NECAP2: variants seen among roughly 807,000 people sequenced by gnomAD.
NECAP2 encodes the protein NECAP endocytosis associated 2.
In NECAP2, 38 loss-of-function variants were observed where a neutral mutation model predicts 37.8. The observed-to-expected ratio is 1.01, with a 90% CI of 0.78 to 1.32. The LOEUF (loss-of-function observed/expected upper bound fraction) is 1.32. NECAP2 is among the 40% of genes most tolerant of loss of function. The probability of loss-of-function intolerance (pLI) is 0.00; values close to 1 mark genes in which losing one functional copy is unlikely to be tolerated. For missense variants in NECAP2, 316 were observed against 334.5 expected (o/e 0.94, Z 0.43); for synonymous variants, 121 against 127.7 (o/e 0.95, Z 0.35).
intron 4 of NECAP2, chr1:16,448,392 T>C (rs2086794118): frequency 1.8e-6 from 1 of 542,482 alleles, no homozygotes; most frequent in South Asian, 2.1e-5. Flanking sequence ...ACCAGTCCCC[T>C]GAGCAGCCAG....
At position 16,459,688 on chromosome 1, in the gene NECAP2, G is replaced by C. The variant is rs2086986453; in HGVS notation, c.*798G>C. 1 of 152,496 alleles carries C rather than the reference G, an allele frequency of 6.6e-6. No individual in the cohort carries two copies. The highest frequency in any genetic ancestry group is 2.4e-5 in the African/African-American group (1 of 41,462). The allele number at this position is 152,496 out of a possible 1,614,324, so 9.4% of individuals were successfully genotyped here. On this transcript the variant is annotated 3_prime_UTR_variant, in exon 8 of 8. Coordinates refer to ENST00000337132, the MANE Select transcript of NECAP2 (RefSeq NM_018090.5). Reference sequence around the variant, plus strand: ...GGAAGCCAGACGGAACAGTGTTGGGGCAGGAAGGTGGATGCTGTTGTCATG... The same window carrying C: ...GGAAGCCAGACGGAACAGTGTTGGGCCAGGAAGGTGGATGCTGTTGTCATG...
chr1:16,441,547 T>G (rs2086690198), intron 1 of NECAP2: 1 of 152,070 alleles, frequency 6.6e-6, no homozygotes, highest in South Asian at 2.1e-4. Flanking sequence ...TGCGTTTTAC[T>G]ACTCTTTGTA....
At chr1:16,443,776 A>G (rs1180299799) in intron 2 of NECAP2, 44 bp downstream of exon 2, 1 of 1,490,548 alleles carries the variant, frequency 6.7e-7, no homozygotes, top group African/African-American at 1.4e-5. Flanking sequence ...GCCGCACCCC[A>G]CTTTATGAAG....
At chr1:16,455,750 C>T (rs923749334) in intron 6 of NECAP2, 68 bp from the exon 7 acceptor site, 7 of 1,296,692 alleles carry the variant, frequency 5.4e-6, no homozygotes, top group Admixed American at 3.4e-5. Flanking sequence ...ATTGAAACAA[C>T]CAGAAAGGTC....
chr1:16,458,214 ATCAG>A (rs1247423263), intron 7 of NECAP2, among the ~76,000 whole-genome samples: 3 of 152,182 alleles, frequency 2.0e-5, no homozygotes, highest in Non-Finnish European at 2.9e-5. Context: ...CACGTTGAAA[ATCAG>A]TCAGATTTGC....
chr1:16,440,802 C>G lies in NECAP2; in HGVS notation c.41C>G (p.Pro14Arg), dbSNP rs1397982214. 4 of 1,614,088 alleles carry G rather than the reference C, an allele frequency of 2.5e-6. No individual in the cohort carries two copies. The highest frequency in any genetic ancestry group is 3.4e-6 in the Non-Finnish European group (4 of 1,180,032). Reference sequence around the variant, plus strand: ...TACGAGTCGGTGCTCTGTGTCAAGCCTGACGTCCACGTCTACCGCATCCCT... The same window carrying G: ...TACGAGTCGGTGCTCTGTGTCAAGCGTGACGTCCACGTCTACCGCATCCCT... ...SGYESVLCVK[P>R]DVHVYRIPPR... The change falls in exon 1 of 8, where the codon CCT (proline) becomes CGT (arginine). Residue 14 changes from proline to arginine, a missense_variant. By Grantham distance (103) the Pro-to-Arg change is moderately radical. Transcript: ENST00000337132.
At chr1:16,455,919 G>A (rs1446591686) in intron 7 of NECAP2, 26 bp downstream of exon 7, 1 of 1,592,766 alleles carries the variant, frequency 6.3e-7, no homozygotes, top group Non-Finnish European at 8.6e-7. Context: ...TTCTGCGGAG[G>A]GGCTGGGGCC....
chr1:16,455,945 CA>C, intron 7 of NECAP2, 52 bp downstream of exon 7: 3 of 1,375,162 alleles, frequency 2.2e-6, no homozygotes. Context: ...CGTTGCTCTA[CA>C]AACCTGGTAT....
At chr1:16,455,953 G>A (rs116728929) in intron 7 of NECAP2, 60 bp downstream of exon 7, 11 of 1,279,072 alleles carry the variant, frequency 8.6e-6, no homozygotes, top group Non-Finnish European at 1.3e-5. Flanking sequence ...TACAAACCTG[G>A]TATTGTTCCA....
chr1:16,449,619 T>C (rs2086812134), intron 5 of NECAP2: 2 of 181,390 alleles, frequency 1.1e-5, no homozygotes, highest in South Asian at 2.3e-4. Context: ...GCATCAGTCA[T>C]TTGCTGCCAG....
intron 5 of NECAP2, chr1:16,450,127 G>A (rs1372350234): frequency 9.0e-6 from 4 of 446,356 alleles, no homozygotes; most frequent in African/African-American, 2.0e-5. Flanking sequence ...CCTTGAAGTT[G>A]GCCAGCTGGC....
chr1:16,456,485 G>C (rs1009195111), intron 7 of NECAP2, among the ~76,000 whole-genome samples: 1 of 152,036 alleles, frequency 6.6e-6, no homozygotes, highest in Non-Finnish European at 1.5e-5. Flanking sequence ...CAAGTGCTTT[G>C]GCTTGTCCCC....
At chr1:16,445,426 C>G (rs1321017043) in intron 2 of NECAP2, among the ~76,000 whole-genome samples, 1 of 152,196 alleles carries the variant, frequency 6.6e-6, no homozygotes, top group Non-Finnish European at 1.5e-5. Context: ...TTGTGACAAT[C>G]AAAATTATCT....
At chr1:16,448,947 C>T (rs1444499968) in intron 4 of NECAP2, 146 bp from the exon 5 acceptor site, 2 of 595,382 alleles carry the variant, frequency 3.4e-6, no homozygotes, top group African/African-American at 1.9e-5. Context: ...ATTCAGGCCT[C>T]ACTCCCAAGC....
intron 4 of NECAP2, among the ~76,000 whole-genome samples, chr1:16,448,790 G>A (rs969151946): frequency 6.6e-6 from 1 of 152,212 alleles, no homozygotes. Context: ...AGGCTCTCAC[G>A]TGTCCTAGAG....
At chr1:16,447,207 G>A (rs898226473) in intron 2 of NECAP2, among the ~76,000 whole-genome samples, 1 of 152,096 alleles carries the variant, frequency 6.6e-6, no homozygotes, top group African/African-American at 2.4e-5. Context: ...AACAACAGAC[G>A]TCAGCACATG....
At chr1:16,450,656 C>T (rs2086829200) in intron 5 of NECAP2, 1 of 152,690 alleles carries the variant, frequency 6.5e-6, no homozygotes, top group South Asian at 2.1e-4. Context: ...TTTAAAAAAT[C>T]TAATCTATAG....
intron 6 of NECAP2, among the ~76,000 whole-genome samples, chr1:16,452,478 G>A (rs2100963515): frequency 6.6e-6 from 1 of 152,312 alleles, no homozygotes; most frequent in East Asian, 1.9e-4. Context: ...AGGAGATAGA[G>A]TGGGAGTGGT....
At chr1:16,440,878 C>G in intron 1 of NECAP2, 25 bp downstream of exon 1, 4 of 1,594,490 alleles carry the variant, frequency 2.5e-6, no homozygotes, top group Non-Finnish European at 3.4e-6. Flanking sequence ...CCAGACCAGG[C>G]TAGCTCCAAT....
Sources: allele counts gnomAD v4.1 joint callset (sites outside exome capture counted in the v4.1 genomes callset), GRCh38; gene constraint gnomAD v4.1.1; transcripts MANE v1.5; gene names NCBI Gene and HGNC (gene_info 2026-07-23, HGNC 2026-07-21).